Variants in RC3H1 observed in about 807,000 individuals in gnomAD.
RC3H1 encodes roquin-1.
Under a neutral mutation model 138.2 loss-of-function variants are expected in RC3H1, and 50 were observed. The observed-to-expected ratio is 0.36, with a 90% CI of 0.29 to 0.46. The LOEUF (loss-of-function observed/expected upper bound fraction) is 0.46, where lower values mean the gene tolerates loss of function less well. Among genes scored for constraint, RC3H1 ranks in the 20% least tolerant of loss-of-function variants. The pLI, the probability that RC3H1 is intolerant of heterozygous loss-of-function variation, is 1.00. For missense variants in RC3H1, 1,031 were observed against 1,388.1 expected (o/e 0.74, Z 4.09); for synonymous variants, 462 against 489.1 (o/e 0.94, Z 0.73).
rs1249417078 is a variant in RC3H1 at position 173,937,957 on chromosome 1, G to C, written c.*764C>G. The C allele has an allele frequency of 6.6e-6, 1 of 152,120 alleles. No individual in the cohort carries two copies. The highest frequency in any genetic ancestry group is 1.5e-5 in the Non-Finnish European group (1 of 68,022). 9.4% of individuals were successfully genotyped at this position (152,120 alleles called of 1,614,324 possible). ...TAATTAAACACTGAATCAGCTTTCTGATTATATTAAGAGAATGCAAATGAT... is the reference window on the plus strand; with the variant it reads ...TAATTAAACACTGAATCAGCTTTCTCATTATATTAAGAGAATGCAAATGAT... On this transcript the variant is annotated 3_prime_UTR_variant, in exon 20 of 20. Coordinates refer to ENST00000367696, the MANE Select transcript of RC3H1 (RefSeq NM_172071.4).
intron 1 of RC3H1, among the ~76,000 whole-genome samples, chr1:174,000,230 G>A (rs370431983): frequency 6.6e-6 from 1 of 152,068 alleles, no homozygotes; most frequent in African/African-American, 2.4e-5. Flanking sequence ...GAAACTATTC[G>A]AATCTGTTCT....
At chr1:173,961,045 C>T (rs780768465) in intron 13 of RC3H1, 32 bp downstream of exon 13, 14 of 1,594,126 alleles carry the variant, frequency 8.8e-6, no homozygotes, top group Admixed American at 3.5e-5. Flanking sequence ...CAAAAAAACA[C>T]GGATAAATGA....
intron 2 of RC3H1, among the ~76,000 whole-genome samples, chr1:173,985,863 T>C (rs1371532013): frequency 6.6e-6 from 1 of 152,220 alleles, no homozygotes; most frequent in African/African-American, 2.4e-5. Flanking sequence ...TTCATATGCT[T>C]ATTATCCATT....
chr1:174,016,741 TTAGA>T (rs757289983), intron 1 of RC3H1, among the ~76,000 whole-genome samples: 1 of 152,140 alleles, frequency 6.6e-6, no homozygotes, highest in South Asian at 2.1e-4. Context: ...TTCAATTCAA[TTAGA>T]TAAAGTACCA....
intron 13 of RC3H1, among the ~76,000 whole-genome samples, chr1:173,956,064 GA>G (rs574248872): frequency 3.3e-5 from 5 of 150,306 alleles, no homozygotes; most frequent in African/African-American, 2.5e-5. Flanking sequence ...CTGGGAGGTG[GA>G]GGTTGCAGTG....
At chr1:173,943,727 G>T in intron 17 of RC3H1, 112 bp from the exon 18 acceptor site, 2 of 1,048,656 alleles carry the variant, frequency 1.9e-6, no homozygotes, top group South Asian at 2.2e-5. Context: ...CCAGCCATTT[G>T]CAACAAAATA....
intron 13 of RC3H1, among the ~76,000 whole-genome samples, chr1:173,958,495 G>A (rs566177060): frequency 2.6e-5 from 4 of 151,642 alleles, no homozygotes; most frequent in South Asian, 2.1e-4. Flanking sequence ...GCAGTGAGCC[G>A]AGATCGCACC....
At chr1:173,984,650 T>C in intron 2 of RC3H1, 31 bp from the exon 3 acceptor site, 1 of 1,599,168 alleles carries the variant, frequency 6.3e-7, no homozygotes, top group Non-Finnish European at 8.5e-7. Context: ...TCTGTATGAG[T>C]GCTCAATTCA....
chr1:173,951,593 T>C (rs935590048), intron 14 of RC3H1, among the ~76,000 whole-genome samples: 3 of 151,998 alleles, frequency 2.0e-5, no homozygotes, highest in Non-Finnish European at 2.9e-5. Flanking sequence ...CAGGCTGGAG[T>C]GCAGTGGCAC....
chr1:173,947,247 A>G (rs1659173628), intron 15 of RC3H1, 122 bp downstream of exon 15: 2 of 687,492 alleles, frequency 2.9e-6, no homozygotes, highest in South Asian at 1.8e-5. Flanking sequence ...GATTCCATGG[A>G]AAGTTTGAAA....
chr1:173,997,949 C>T (rs12063273), intron 1 of RC3H1, among the ~76,000 whole-genome samples: 7,241 of 152,198 alleles, frequency 0.048, 583 homozygotes, highest in African/African-American at 0.16. Flanking sequence ...TTCTTCCAAA[C>T]ATTCTCCAAG....
intron 19 of RC3H1, among the ~76,000 whole-genome samples, chr1:173,939,882 C>T (rs989052917): frequency 2.6e-5 from 4 of 151,518 alleles, no homozygotes; most frequent in East Asian, 3.9e-4. Flanking sequence ...ATTAAAAAAA[C>T]AGTCAAAATC....
chr1:173,942,254 CTA>C (rs1491418573), intron 18 of RC3H1, among the ~76,000 whole-genome samples: 1 of 143,444 alleles, frequency 7.0e-6, no homozygotes, highest in Non-Finnish European at 1.5e-5. Context: ...AAAAAAAAAA[CTA>C]AAAAAAAAAT....
At chr1:173,972,330 G>A (rs1470159758) in intron 8 of RC3H1, among the ~76,000 whole-genome samples, 179 bp downstream of exon 8, 6 of 152,164 alleles carry the variant, frequency 3.9e-5, no homozygotes, top group Non-Finnish European at 7.3e-5. Flanking sequence ...AAAGTTATCA[G>A]CCTAATGCAG....
intron 4 of RC3H1, 196 bp from the exon 5 acceptor site, chr1:173,983,098 C>T (rs879528250): frequency 8.3e-6 from 4 of 482,134 alleles, no homozygotes; most frequent in Non-Finnish European, 1.4e-5. Context: ...ATAAAGAAAA[C>T]AGATAAAGTG....
rs1169468233 is a variant in RC3H1 at position 173,936,514 on chromosome 1, C to CAAAAAA, written c.*2201_*2206dup. 3.3e-3 allele frequency: 93 copies of CAAAAAA among 28,090 alleles called. 2 individuals carry two copies. Among genetic ancestry groups the CAAAAAA allele is most frequent in the East Asian group, 0.013 (13 of 1,034 alleles). The allele number at this position is 28,090 out of a possible 1,614,324, so 1.7% of individuals were successfully genotyped here. A position where few individuals can be genotyped will look rare whatever the true frequency, so the allele number is the denominator to read the frequency against. On this transcript the variant is annotated 3_prime_UTR_variant, in exon 20 of 20. Transcript: ENST00000367696. ...GGGCAACAGAAGCAGACTCCCTCTC[C>CAAAAAA]AAAAAAAAAAAAAAAAAAAAAAAAA...
chr1:173,952,180 G>T, intron 13 of RC3H1, 42 bp from the exon 14 acceptor site: 5 of 1,369,412 alleles, frequency 3.7e-6, no homozygotes, highest in Non-Finnish European at 4.9e-6. Flanking sequence ...AAAAAAAAGA[G>T]AAAGAAACAA....
intron 1 of RC3H1, among the ~76,000 whole-genome samples, chr1:174,015,672 TTA>T (rs71770714): frequency 0.29 from 42,319 of 147,922 alleles, 10,644 homozygotes; most frequent in African/African-American, 0.68. Flanking sequence ...GCCTCATATT[TTA>T]TATATATATA....
chr1:173,942,172 G>A (rs1658901119), intron 18 of RC3H1, among the ~76,000 whole-genome samples: 1 of 151,224 alleles, frequency 6.6e-6, no homozygotes, highest in Non-Finnish European at 1.5e-5. Context: ...AACCCAGGAG[G>A]CAGAGGTTGC....
Sources: gnomAD v4.1 joint callset for allele counts (sites outside exome capture counted in the v4.1 genomes callset) on GRCh38, gnomAD v4.1.1 for gene constraint, MANE v1.5 for transcripts, NCBI Gene and HGNC (gene_info 2026-07-23, HGNC 2026-07-21) for gene names.